MTDH: variants seen among roughly 807,000 people sequenced by gnomAD.
MTDH encodes the protein protein LYRIC.
In MTDH, 34 loss-of-function variants were observed where a neutral mutation model predicts 72.7. The ratio of observed to expected loss-of-function variants is 0.47; its 90% CI spans 0.36 to 0.62. The LOEUF (loss-of-function observed/expected upper bound fraction) is 0.62, where lower values mean the gene tolerates loss of function less well. MTDH is among the 20% of genes least tolerant of loss of function. The pLI is 0.00. For synonymous variants in MTDH, 266 were observed against 268.9 expected, an observed-to-expected ratio of 0.99 and a Z score of 0.10; for missense variants, 677 against 699.4, an observed-to-expected ratio of 0.97 and a Z score of 0.36.
At chr8:97,719,374 C>A (rs949850072) in intron 10 of MTDH, among the ~76,000 whole-genome samples, 185 bp downstream of exon 10, 1 of 151,446 alleles carries the variant, frequency 6.6e-6, no homozygotes, top group Non-Finnish European at 1.5e-5. Flanking sequence ...GAGCCTGTAA[C>A]CCCAGCTACT....
Position 97,691,028 on chromosome 8 carries a change from G to T in MTDH, c.888G>T (p.Gln296His). Residue 296 changes from glutamine (Q) to histidine (H), a missense_variant, in exon 6 of 12, where the codon CAG becomes CAT. Coordinates refer to ENST00000336273, the MANE Select transcript of MTDH (RefSeq NM_178812.4). ...WNEKSVKLSS[Q>H]ISAGEEKWNS... ...AAAAGTCTGTAAAACTCTCCTCACA[G>T]ATCAGTGCAGGTGAGGAGAAGTGGA... The T allele has an allele frequency of 6.2e-7, 1 of 1,614,152 alleles. No homozygotes were observed. The highest frequency in any genetic ancestry group is 1.3e-5 in the African/African-American group (1 of 75,060).
At chr8:97,683,174 A>C (rs1254371304) in intron 2 of MTDH, among the ~76,000 whole-genome samples, 2 of 141,878 alleles carry the variant, frequency 1.4e-5, no homozygotes, top group Non-Finnish European at 3.0e-5. Flanking sequence ...AAGCGATTCT[A>C]CTGCCTCAGC....
Position 97,687,567 on chromosome 8 carries a change from C to G in MTDH, c.707C>G (p.Thr236Arg), listed in dbSNP as rs747277588. The G allele has an allele frequency of 4.3e-6, 7 of 1,611,438 alleles. No homozygotes were observed. Among genetic ancestry groups the G allele is most frequent in the Non-Finnish European group, 5.9e-6 (7 of 1,178,928 alleles). Residue 236 changes from threonine to arginine, a missense_variant, in exon 4 of 12, where the codon ACA becomes AGA. Transcript: ENST00000336273. Reference sequence around the variant, plus strand: ...ATCACAGTTACCACCGAGCAACTTACAACCGCATCATTTCCTGTTGGTTCC... The same window carrying G: ...ATCACAGTTACCACCGAGCAACTTAGAACCGCATCATTTCCTGTTGGTTCC... ...NTITVTTEQL[T>R]TASFPVGSKK...
chr8:97,696,643 G>A (rs944036177), intron 6 of MTDH, among the ~76,000 whole-genome samples: 2 of 152,084 alleles, frequency 1.3e-5, no homozygotes, highest in African/African-American at 2.4e-5. Context: ...TCTGTTCACC[G>A]TTACTCATCA....
intron 1 of MTDH, among the ~76,000 whole-genome samples, chr8:97,659,158 G>T (rs1812087549): frequency 6.6e-6 from 1 of 151,162 alleles, no homozygotes; most frequent in South Asian, 2.1e-4. Context: ...AAAAAAAAAT[G>T]ATGATATTAG....
rs1327584444 is a variant in MTDH at position 97,644,742 on chromosome 8, G to A, written c.236G>A (p.Arg79His). The A allele has an allele frequency of 6.4e-7, 1 of 1,572,350 alleles. No individual in the cohort carries two copies. Among genetic ancestry groups the A allele is most frequent in the East Asian group, 2.4e-5 (1 of 40,982 alleles). Reference sequence around the variant, plus strand: ...TGGGCCGCGGCTTGCGCCGGCGCCCGCAAAAAGCGGAGGAGCCCGCCCCGC... The same window carrying A: ...TGGGCCGCGGCTTGCGCCGGCGCCCACAAAAAGCGGAGGAGCCCGCCCCGC... ...YGWAAACAGA[R>H]KKRRSPPRKR... Residue 79 changes from arginine to histidine, a missense_variant, in exon 1 of 12, where the codon CGC becomes CAC. Physicochemically the swap from Arg to His is conservative, Grantham distance 29. Transcript: ENST00000336273.
At chr8:97,714,863 T>G (rs1246712676) in intron 9 of MTDH, among the ~76,000 whole-genome samples, 1 of 152,162 alleles carries the variant, frequency 6.6e-6, no homozygotes, top group African/African-American at 2.4e-5. Flanking sequence ...TCTTGTTCTG[T>G]TGCCCAGGCT....
In MTDH at chr8:97,644,215, C is replaced by T. The variant is rs1811461396; in HGVS notation, c.-292C>T. The T allele has an allele frequency of 1.1e-5, 5 of 448,674 alleles. No individual in the cohort carries two copies. Among genetic ancestry groups the T allele is most frequent in the Non-Finnish European group, 2.0e-5 (5 of 255,292 alleles). The allele number at this position is 448,674 out of a possible 1,614,324, so 27.8% of individuals were successfully genotyped here. On this transcript the variant is annotated 5_prime_UTR_variant, in exon 1 of 12. Transcript: ENST00000336273. ...CCATTGTTCCGCCGAGGGAGGACAG[C>T]GGGGCCTGGCGCTGGCGCCGAGACG...
intron 8 of MTDH, among the ~76,000 whole-genome samples, chr8:97,710,871 A>G (rs541133547): frequency 1.2e-3 from 184 of 151,916 alleles, no homozygotes; most frequent in Middle Eastern, 6.8e-3. Context: ...ATGGTGGTGC[A>G]CACCTATAAT....
At chr8:97,719,330 T>A in intron 10 of MTDH, 141 bp downstream of exon 10, 1 of 787,886 alleles carries the variant, frequency 1.3e-6, no homozygotes, top group Non-Finnish European at 1.9e-6. Context: ...CCGTCTCTAC[T>A]AAAAATACAA....
chr8:97,691,172 A>G lies in MTDH; in HGVS notation c.1032A>G (p.Ser344=). Residue 344 remains serine, a synonymous_variant, in exon 6 of 12, where the codon TCA becomes TCG. Coordinates refer to ENST00000336273, the MANE Select transcript of MTDH (RefSeq NM_178812.4). ...GGGGAAGGAGTTGGAGTGACCGTTC[A>G]ATATTTTCTGGCATTGGTAAGAAGT... The part of the protein sequence containing the change: ...KDWGRSWSDR[S]IFSGIGSTAE... The G allele has an allele frequency of 1.9e-6, 3 of 1,603,466 alleles. No homozygotes were observed. Among genetic ancestry groups the G allele is most frequent in the Non-Finnish European group, 2.6e-6 (3 of 1,174,362 alleles).
rs535028198 is a variant in MTDH at position 97,677,242 on chromosome 8, C to A, written c.484-9426C>A. 7.4e-5 allele frequency among the ~76,000 whole-genome samples: 10 copies of A among 135,888 alleles called. No individual in the cohort carries two copies. The South Asian group carries it at 2.4e-3, about 33-fold the overall frequency. 89.1% of individuals were successfully genotyped at this position (135,888 alleles called of 152,430 possible). The stretch of plus-strand genomic sequence containing the variant: ...GGCGCAGTGGCTCATGCCTGTAATC[C>A]CAGCACGTTGGGAGGCCGAGGCAGG... On this transcript the variant is annotated intron_variant, in intron 2 of 11. Transcript: ENST00000336273.
intron 6 of MTDH, among the ~76,000 whole-genome samples, chr8:97,697,150 A>ATATATATTTT: frequency 2.9e-5 from 2 of 68,838 alleles, no homozygotes; most frequent in Admixed American, 1.6e-4. Flanking sequence ...ATATATATAT[A>ATATATATTTT]TTTTTTTTTT....
rs200152515 is a variant in MTDH, at chr8:97,722,861, G to A, written c.1522-18G>A. 6.6e-5 allele frequency: 105 copies of A among 1,579,958 alleles called. No individual in the cohort carries two copies. The highest frequency in any genetic ancestry group is 8.4e-5 in the Non-Finnish European group (98 of 1,166,806). On this transcript the variant is annotated intron_variant, in intron 10 of 11. Transcript: ENST00000336273. ...AAAATTTCACCAAAAAACCTGAGATGATTTTTTCCTAAAATAGCCTATCAA... is the reference window on the plus strand; with the variant it reads ...AAAATTTCACCAAAAAACCTGAGATAATTTTTTCCTAAAATAGCCTATCAA...
chr8:97,657,044 A>G (rs541504124), intron 1 of MTDH, among the ~76,000 whole-genome samples: 3 of 152,120 alleles, frequency 2.0e-5, no homozygotes, highest in African/African-American at 7.2e-5. Context: ...CTAGTCTGCT[A>G]TGTGGCCCCC....
At chr8:97,682,233 TATATA>T (rs1813114907) in intron 2 of MTDH, among the ~76,000 whole-genome samples, 2 of 1,670 alleles carry the variant, frequency 1.2e-3, no homozygotes, top group Non-Finnish European at 2.8e-3. Context: ...AATTACTTTA[TATATA>T]TATATATATA....
At chr8:97,722,262 CAAAAA>C (rs34357529) in intron 10 of MTDH, among the ~76,000 whole-genome samples, 8,760 of 151,836 alleles carry the variant, frequency 0.058, 814 homozygotes, top group African/African-American at 0.2. Context: ...TACTCTGTCT[CAAAAA>C]AGAAAAGCAT....
Position 97,690,975 on chromosome 8 carries a change from C to T in MTDH, c.835C>T (p.Leu279Phe), listed in dbSNP as rs755493289. 9.9e-6 allele frequency: 16 copies of T among 1,612,204 alleles called. No homozygotes were observed. The highest frequency in any genetic ancestry group is 3.3e-5 in the South Asian group (3 of 90,808). The change falls in exon 6 of 12, where the codon CTC (leucine) becomes TTC (phenylalanine). Residue 279 changes from leucine to phenylalanine, a missense_variant. Leu to Phe is a conservative substitution (Grantham distance 22). Coordinates refer to ENST00000336273, the MANE Select transcript of MTDH (RefSeq NM_178812.4). ...AGTTTCTTCAGGATTGAATGAAAAC[C>T]TCACTGTCAATGGAGGAGGCTGGAA... ...LQVSSGLNEN[L>F]TVNGGGWNEK...
In MTDH at chr8:97,689,763, A is replaced by G. The variant is rs187755111; in HGVS notation, c.811+660A>G. On this transcript the variant is annotated intron_variant, in intron 5 of 11. Coordinates refer to ENST00000336273, the MANE Select transcript of MTDH (RefSeq NM_178812.4). ...ACCCTTGTTGCCCAGGCTGGAGTGT[A>G]ATGGCATGGTTTTGGCTCACTGCAA... Among the ~76,000 whole-genome samples the G allele has an allele frequency of 2.3e-3, 332 of 147,286 alleles. 2 individuals are homozygous for G. The highest frequency in any genetic ancestry group is 4.3e-3 in the Non-Finnish European group (289 of 67,380).
Sources: allele counts gnomAD v4.1 joint callset (sites outside exome capture counted in the v4.1 genomes callset), GRCh38; gene constraint gnomAD v4.1.1; transcripts MANE v1.5; gene names NCBI Gene and HGNC (gene_info 2026-07-23, HGNC 2026-07-21).